The following ADARB1 variants were observed in gnomAD, a reference collection of about 807,000 sequenced individuals.
ADARB1 encodes the protein double-stranded RNA-specific editase 1.
ADARB1 carries 10 observed loss-of-function variants against 52.4 expected under a neutral mutation model. The ratio of observed to expected loss-of-function variants is 0.19; its 90% CI spans 0.12 to 0.32. The LOEUF is 0.32. Among genes scored for constraint, ADARB1 ranks in the 10% least tolerant of loss-of-function variants. The pLI is 1.00. For synonymous variants in ADARB1, 349 were observed against 371.1 expected, an observed-to-expected ratio of 0.94 and a Z score of 0.68; for missense variants, 643 against 922.3, an observed-to-expected ratio of 0.70 and a Z score of 3.92.
intron 2 of ADARB1, among the ~76,000 whole-genome samples, chr21:45,138,802 G>A (rs1380573607): frequency 3.9e-5 from 6 of 152,148 alleles, no homozygotes; most frequent in Non-Finnish European, 5.9e-5. Flanking sequence ...CCATGTGCTC[G>A]TGGCCTGTGG....
chr21:45,133,865 G>A (rs1468387231), intron 2 of ADARB1, among the ~76,000 whole-genome samples: 1 of 129,148 alleles, frequency 7.7e-6, no homozygotes, highest in Non-Finnish European at 1.7e-5. Flanking sequence ...GCGCCCGACG[G>A]GGGTGTGTGC....
chr21:45,172,371 G>T lies in ADARB1; in HGVS notation c.28+687G>T, dbSNP rs1051622956. 8.5e-5 allele frequency among the ~76,000 whole-genome samples: 13 copies of T among 152,162 alleles called. No homozygotes were observed. The highest frequency in any genetic ancestry group is 1.3e-4 in the Non-Finnish European group (9 of 68,028). ...GAGAAATTACAACAAAGGCATCATT[G>T]CTCTAACTAATATAAATATCTGTAT... On this transcript the variant is annotated intron_variant, in intron 3 of 10. Coordinates refer to ENST00000348831, the MANE Select transcript of ADARB1 (RefSeq NM_001112.4). The surrounding 1 kb of genome is among the most constrained non-coding windows in gnomAD (Gnocchi z 4.4).
At chr21:45,196,091 C>A (rs1201505391) in intron 8 of ADARB1, among the ~76,000 whole-genome samples, 1 of 152,118 alleles carries the variant, frequency 6.6e-6, no homozygotes, top group Non-Finnish European at 1.5e-5. Context: ...TTTACTTATA[C>A]AGATCTTGTA....
At chr21:45,202,483 A>T (rs774311457) in intron 8 of ADARB1, among the ~76,000 whole-genome samples, 32 of 152,048 alleles carry the variant, frequency 2.1e-4, no homozygotes, top group South Asian at 4.1e-4. Context: ...TGGCCCTGAG[A>T]CTTCAGGCCT....
intron 1 of ADARB1, among the ~76,000 whole-genome samples, chr21:45,087,101 C>G (rs937510424): frequency 6.6e-6 from 1 of 152,182 alleles, no homozygotes; most frequent in African/African-American, 2.4e-5. Context: ...GTTTTCCCCC[C>G]ACTTATCAGA....
At chr21:45,123,268 A>G (rs2088315590) in intron 1 of ADARB1, among the ~76,000 whole-genome samples, 1 of 96,788 alleles carries the variant, frequency 1.0e-5, no homozygotes, top group South Asian at 4.6e-4. Context: ...CATCTAATAT[A>G]TACTACGTGT....
intron 1 of ADARB1, among the ~76,000 whole-genome samples, chr21:45,119,595 C>T (rs1308270341): frequency 6.6e-6 from 1 of 152,142 alleles, no homozygotes; most frequent in Non-Finnish European, 1.5e-5. Flanking sequence ...TTAAAAATAG[C>T]TGGGTAACTT....
intron 8 of ADARB1, among the ~76,000 whole-genome samples, chr21:45,188,733 T>A (rs764772389): frequency 6.6e-6 from 1 of 152,226 alleles, no homozygotes; most frequent in African/African-American, 2.4e-5. Flanking sequence ...GTTTTCTATA[T>A]GCTTGTAGCT....
chr21:45,153,793 T>A (rs1317674955), intron 2 of ADARB1, among the ~76,000 whole-genome samples: 3 of 152,216 alleles, frequency 2.0e-5, no homozygotes, highest in Non-Finnish European at 4.4e-5. Context: ...GATGCTTTCC[T>A]GGACTGACGG....
intron 1 of ADARB1, among the ~76,000 whole-genome samples, chr21:45,106,591 C>T (rs781204175): frequency 3.8e-4 from 58 of 152,212 alleles, no homozygotes; most frequent in Non-Finnish European, 6.6e-4. Flanking sequence ...AACTTCCGAG[C>T]AACTTAAAAT....
intron 2 of ADARB1, among the ~76,000 whole-genome samples, chr21:45,155,745 T>G (rs1291880483): frequency 2.7e-5 from 1 of 37,616 alleles, no homozygotes; most frequent in Non-Finnish European, 5.0e-5. Flanking sequence ...CCACCCATCA[T>G]CACCTATCAT....
At chr21:45,079,289 T>C (rs1424054195) in intron 1 of ADARB1, among the ~76,000 whole-genome samples, 1 of 152,250 alleles carries the variant, frequency 6.6e-6, no homozygotes, top group Admixed American at 6.5e-5. Context: ...TTTATACTCA[T>C]TGAAAGAGCT....
At position 45,222,686 on chromosome 21, in the gene ADARB1, A is replaced by G; in HGVS notation, c.*489A>G. 1 of 986,640 alleles carries G rather than the reference A, an allele frequency of 1.0e-6. No individual in the cohort carries two copies. The highest frequency in any genetic ancestry group is 1.2e-6 in the Non-Finnish European group (1 of 830,824). 61.1% of individuals were successfully genotyped at this position (986,640 alleles called of 1,614,324 possible). A position where few individuals can be genotyped will look rare whatever the true frequency, so the allele number is the denominator to read the frequency against. ...CATCTATATATGGAGGAGGGTGGGAAAATAGAGGTAGGAAATAGTAGCCTA... is the reference window on the plus strand; with the variant it reads ...CATCTATATATGGAGGAGGGTGGGAGAATAGAGGTAGGAAATAGTAGCCTA... On this transcript the variant is annotated 3_prime_UTR_variant, in exon 11 of 11. Transcript: ENST00000348831.
intron 8 of ADARB1, among the ~76,000 whole-genome samples, chr21:45,194,404 C>T (rs1001677102): frequency 2.6e-5 from 4 of 152,046 alleles, no homozygotes; most frequent in African/African-American, 9.7e-5. Flanking sequence ...AGTAGTTTCA[C>T]TGCCCTAAAA....
chr21:45,202,738 ATCT>A (rs937877601), intron 8 of ADARB1, among the ~76,000 whole-genome samples: 1 of 146,566 alleles, frequency 6.8e-6, no homozygotes, highest in African/African-American at 2.6e-5. Flanking sequence ...TGTGCTGAGC[ATCT>A]TCCCCTGCAG....
chr21:45,075,264 A>G (rs2085877419), intron 1 of ADARB1, among the ~76,000 whole-genome samples: 1 of 149,156 alleles, frequency 6.7e-6, no homozygotes, highest in Non-Finnish European at 1.5e-5. Flanking sequence ...CGTTGGCAAC[A>G]AGGCTGCGCC....
At chr21:45,193,160 G>A (rs1213102868) in intron 8 of ADARB1, among the ~76,000 whole-genome samples, 1 of 152,178 alleles carries the variant, frequency 6.6e-6, no homozygotes, top group African/African-American at 2.4e-5. Flanking sequence ...ATGTTAAAAT[G>A]TGTCATGAAC....
intron 1 of ADARB1, among the ~76,000 whole-genome samples, chr21:45,106,288 G>A (rs1377669992): frequency 4.6e-5 from 7 of 151,812 alleles, no homozygotes; most frequent in Non-Finnish European, 8.8e-5. Context: ...TGTGTTCAGC[G>A]TGGGTTGTGG....
Position 45,175,832 on chromosome 21 carries a change from G to A in ADARB1, c.131G>A (p.Gly44Glu). ...GGCGAGGGCTCTCAGCTCTCCAATG[G>A]GGGTGGTGGTGGCCCCGGCAGAAAG... is the stretch of plus-strand genomic sequence containing the variant. ...GPGEGSQLSN[G>E]GGGGPGRKRP... The change falls in exon 4 of 11, where the codon GGG becomes GAG. Residue 44 changes from glycine to glutamate, a missense_variant. By Grantham distance (98) the Gly-to-Glu change is moderately conservative. Transcript: ENST00000348831. 1.2e-6 allele frequency: 2 copies of A among 1,614,162 alleles called. No homozygotes were observed. Among genetic ancestry groups the A allele is most frequent in the Non-Finnish European group, 1.7e-6 (2 of 1,180,028 alleles).
Sources: gnomAD v4.1 joint callset for allele counts (sites outside exome capture counted in the v4.1 genomes callset) on GRCh38, gnomAD v4.1.1 for gene constraint, Gnocchi (gnomAD v3.1) non-coding constraint, MANE v1.5 for transcripts, NCBI Gene and HGNC (gene_info 2026-07-23, HGNC 2026-07-21) for gene names.